MYO1E: variants seen among roughly 807,000 people sequenced by gnomAD.
MYO1E encodes unconventional myosin-Ie.
Under a neutral mutation model 151.1 loss-of-function variants are expected in MYO1E, and 68 were observed. The observed-to-expected ratio is 0.45, with a 90% CI of 0.37 to 0.55. MYO1E has a LOEUF of 0.55. Ranked by LOEUF, MYO1E falls within the 20% of genes least tolerant of loss-of-function variation. MYO1E has a pLI of 0.00. For missense variants in MYO1E, 1,363 were observed against 1,389.3 expected, an observed-to-expected ratio of 0.98 and a Z score of 0.30; for synonymous variants, 601 against 501.7, an observed-to-expected ratio of 1.20 and a Z score of -2.64.
At chr15:59,143,656 C>A (rs533250624) in intron 26 of MYO1E, among the ~76,000 whole-genome samples, 1 of 152,218 alleles carries the variant, frequency 6.6e-6, no homozygotes, top group Non-Finnish European at 1.5e-5. Context: ...TTCACAGATG[C>A]TGCTTCATTT....
chr15:59,223,304 C>G (rs146693288), intron 8 of MYO1E, 113 bp from the exon 9 acceptor site: 2 of 1,187,908 alleles, frequency 1.7e-6, no homozygotes, highest in Non-Finnish European at 1.2e-6. Flanking sequence ...CAAGTACAGA[C>G]GAGTTACAAA....
rs117001044 is a variant in MYO1E, at chr15:59,229,328, G to T, written c.511-1738C>A. ...ACATCAGACTCTAGGACCAGGGCCC[G>T]GAGCTGTGTGGTTTTCAAAAAGCAC... On this transcript the variant is annotated intron_variant, in intron 6 of 27. Coordinates refer to ENST00000288235, the MANE Select transcript of MYO1E (RefSeq NM_004998.4). 2.1e-4 allele frequency among the ~76,000 whole-genome samples: 32 copies of T among 152,224 alleles called. No individual in the cohort carries two copies. In the East Asian group the frequency reaches 6.2e-3, roughly 29 times the overall value.
At chr15:59,201,220 C>A (rs891295465) in intron 16 of MYO1E, among the ~76,000 whole-genome samples, 16 of 151,460 alleles carry the variant, frequency 1.1e-4, no homozygotes, top group East Asian at 3.9e-4. Flanking sequence ...TCCTTAGCCT[C>A]CCAAGTAGCT....
intron 17 of MYO1E, among the ~76,000 whole-genome samples, chr15:59,190,409 C>T (rs1163511001): frequency 1.3e-5 from 2 of 152,220 alleles, no homozygotes; most frequent in Non-Finnish European, 2.9e-5. Flanking sequence ...ATTCCGATGT[C>T]ACGCAGGTTC....
chr15:59,229,737 G>A (rs1196730859), intron 6 of MYO1E, among the ~76,000 whole-genome samples: 1 of 151,976 alleles, frequency 6.6e-6, no homozygotes, highest in Non-Finnish European at 1.5e-5. Context: ...CATAATACCT[G>A]TGCATTTTTT....
intron 5 of MYO1E, among the ~76,000 whole-genome samples, chr15:59,235,359 A>G (rs1402823319): frequency 6.6e-6 from 1 of 152,200 alleles, no homozygotes; most frequent in East Asian, 1.9e-4. Flanking sequence ...TTCGAGGGAT[A>G]TGTGATAACA....
chr15:59,292,194 C>A (rs2080423680), intron 1 of MYO1E, among the ~76,000 whole-genome samples: 1 of 152,164 alleles, frequency 6.6e-6, no homozygotes, highest in Non-Finnish European at 1.5e-5. Context: ...AGATTACATT[C>A]TTTTTAAAGA....
At chr15:59,241,755 A>C (rs527944227) in intron 4 of MYO1E, among the ~76,000 whole-genome samples, 2 of 151,962 alleles carry the variant, frequency 1.3e-5, no homozygotes, top group South Asian at 4.2e-4. Flanking sequence ...TTTAAATAAA[A>C]ACAATTAAAA....
chr15:59,187,938 A>G (rs2079708493), intron 18 of MYO1E, among the ~76,000 whole-genome samples, 180 bp downstream of exon 18: 1 of 152,202 alleles, frequency 6.6e-6, no homozygotes, highest in Non-Finnish European at 1.5e-5. Context: ...CAACAAAGGG[A>G]AGCGTGATTT....
At chr15:59,141,345 ATATGAAAGTGTAACAATTGCATATAACC>A (rs1321681201) in intron 26 of MYO1E, among the ~76,000 whole-genome samples, 3 of 152,236 alleles carry the variant, frequency 2.0e-5, no homozygotes, top group Non-Finnish European at 4.4e-5. Context: ...CACGTCCCTC[ATATGAAAGTGTAACAATTGCATATAACC>A]TATGCACATC....
intron 1 of MYO1E, among the ~76,000 whole-genome samples, chr15:59,303,871 T>A (rs1046503073): frequency 6.6e-6 from 1 of 152,132 alleles, no homozygotes; most frequent in African/African-American, 2.4e-5. Context: ...AGGAATATAA[T>A]GGCCCGTTTC....
chr15:59,221,895 A>C (rs1447042731), intron 9 of MYO1E, among the ~76,000 whole-genome samples: 11 of 152,224 alleles, frequency 7.2e-5, no homozygotes, highest in African/African-American at 2.7e-4. Flanking sequence ...CTACCACCAA[A>C]CCAACACTGT....
At chr15:59,176,370 T>C (rs939558013) in intron 19 of MYO1E, among the ~76,000 whole-genome samples, 1 of 152,062 alleles carries the variant, frequency 6.6e-6, no homozygotes, top group Admixed American at 6.6e-5. Flanking sequence ...ATGATGTGGG[T>C]TCTTAAAGCA....
At chr15:59,306,477 C>CTTCA (rs1305808608) in intron 1 of MYO1E, among the ~76,000 whole-genome samples, 1 of 152,180 alleles carries the variant, frequency 6.6e-6, no homozygotes, top group Admixed American at 6.5e-5. Context: ...AACATTTCTC[C>CTTCA]TTCATTCACT....
chr15:59,307,011 G>C (rs1193508243), intron 1 of MYO1E, among the ~76,000 whole-genome samples: 1 of 152,204 alleles, frequency 6.6e-6, no homozygotes, highest in Admixed American at 6.5e-5. Flanking sequence ...CCGCTGGTCA[G>C]AGACTTGAGA....
At chr15:59,299,484 C>G (rs1178014524) in intron 1 of MYO1E, among the ~76,000 whole-genome samples, 7 of 152,166 alleles carry the variant, frequency 4.6e-5, no homozygotes, top group Non-Finnish European at 8.8e-5. Flanking sequence ...TTATGTTAGG[C>G]CTTGGGGATA....
At position 59,198,665 on chromosome 15, in the gene MYO1E, C is replaced by CAA. The variant is rs539108090; in HGVS notation, c.1699-3100_1699-3099dup. ...ACTTCGTCTCTACTAAAAAAAATAC[C>CAA]AAAAAATTAGCTGAGCATGGTGGTG... On this transcript the variant is annotated intron_variant, in intron 16 of 27. Transcript: ENST00000288235. Among the ~76,000 whole-genome samples, 19 of 151,612 alleles carry CAA rather than the reference C, an allele frequency of 1.3e-4. No individual in the cohort carries two copies. The South Asian group carries it at 3.8e-3, about 30-fold the overall frequency.
At chr15:59,315,034 T>C (rs1445365594) in intron 1 of MYO1E, among the ~76,000 whole-genome samples, 1 of 152,104 alleles carries the variant, frequency 6.6e-6, no homozygotes, top group Non-Finnish European at 1.5e-5. Context: ...AATAAACGTA[T>C]GGGCCAAATA....
chr15:59,169,746 TAAAC>T (rs1314967936), intron 22 of MYO1E, among the ~76,000 whole-genome samples: 14 of 151,946 alleles, frequency 9.2e-5, no homozygotes, highest in Admixed American at 8.5e-4. Context: ...AAGAAGACAA[TAAAC>T]AAACAAAAAA....
Sources: gnomAD v4.1 joint callset for allele counts (sites outside exome capture counted in the v4.1 genomes callset) on GRCh38, gnomAD v4.1.1 for gene constraint, MANE v1.5 for transcripts, NCBI Gene and HGNC (gene_info 2026-07-23, HGNC 2026-07-21) for gene names.